The following GABRB1 variants were observed in gnomAD, a reference collection of about 807,000 sequenced individuals.
GABRB1 encodes the protein gamma-aminobutyric acid receptor subunit beta-1.
In GABRB1, 17 loss-of-function variants were observed where a neutral mutation model predicts 51.6. The observed-to-expected ratio is 0.33, with a 90% CI of 0.23 to 0.49. GABRB1 has a LOEUF of 0.49. Among genes scored for constraint, GABRB1 ranks in the 20% least tolerant of loss-of-function variants. The pLI is 0.99. For missense variants in GABRB1, 410 were observed against 600.6 expected, an observed-to-expected ratio of 0.68 and a Z score of 3.32; for synonymous variants, 247 against 218.9, an observed-to-expected ratio of 1.13 and a Z score of -1.14.
rs558286402 is a variant in GABRB1, at chr4:47,277,391, G to A, written c.462-42736G>A. On this transcript the variant is annotated intron_variant, in intron 4 of 8. Transcript: ENST00000295454. ...AGGATAGTGAGGGGCTGGGGGAGGC[G>A]GGTATGCTTAATGGGTACCAACAAA... Among the ~76,000 whole-genome samples the A allele has an allele frequency of 5.3e-5, 8 of 151,976 alleles. No individual in the cohort carries two copies. In the East Asian group the frequency reaches 5.8e-4, roughly 11 times the overall value.
intron 3 of GABRB1, among the ~76,000 whole-genome samples, chr4:47,097,618 G>T (rs1415180606): frequency 6.6e-6 from 1 of 152,104 alleles, no homozygotes; most frequent in Admixed American, 6.6e-5. Flanking sequence ...AATTTTGTCT[G>T]TTTTATTTAT....
chr4:47,181,739 C>T (rs1228544006), intron 4 of GABRB1, among the ~76,000 whole-genome samples: 1 of 152,006 alleles, frequency 6.6e-6, no homozygotes, highest in African/African-American at 2.4e-5. Context: ...ATTCTGATTA[C>T]TATTTCCTCA....
chr4:47,210,919 T>C (rs908511022), intron 4 of GABRB1, among the ~76,000 whole-genome samples: 10 of 152,002 alleles, frequency 6.6e-5, no homozygotes, highest in African/African-American at 2.4e-4. Flanking sequence ...TGGGAGGAGG[T>C]GACAAGTAGA....
chr4:47,396,360 G>A (rs1226672497), intron 5 of GABRB1, among the ~76,000 whole-genome samples: 1 of 152,122 alleles, frequency 6.6e-6, no homozygotes, highest in African/African-American at 2.4e-5. Context: ...CCCACAACAT[G>A]AAGCAATTAT....
At chr4:47,226,189 T>A (rs111637075) in intron 4 of GABRB1, among the ~76,000 whole-genome samples, 2,892 of 152,232 alleles carry the variant, frequency 0.019, 45 homozygotes, top group Non-Finnish European at 0.026. Flanking sequence ...ATAAGTGAAA[T>A]AGATGTGATA....
upstream of GABRB1, chr4:46,993,671 C>T (rs903129543): frequency 2.0e-5 from 9 of 445,096 alleles, no homozygotes; most frequent in African/African-American, 1.8e-4. Context: ...GCTATGTATA[C>T]CGCTCCACAC....
chr4:47,106,994 T>C (rs943662275), intron 3 of GABRB1, among the ~76,000 whole-genome samples: 3 of 152,046 alleles, frequency 2.0e-5, no homozygotes, highest in Non-Finnish European at 4.4e-5. Context: ...CAGAAGATCT[T>C]CCAGCTGGAG....
At chr4:47,157,054 A>G (rs1577959520) in intron 3 of GABRB1, among the ~76,000 whole-genome samples, 1 of 152,154 alleles carries the variant, frequency 6.6e-6, no homozygotes, top group Admixed American at 6.6e-5. Flanking sequence ...GCCTTTCCTC[A>G]ATGAGTCAAA....
rs142639522 is a variant in GABRB1, at chr4:47,019,549, TTCTC to T, written c.-19-12340_-19-12337del. Among the ~76,000 whole-genome samples the T allele has an allele frequency of 3.4e-3, 433 of 128,872 alleles. 3 individuals carry two copies. Among genetic ancestry groups the T allele is most frequent in the African/African-American group, 6.0e-3 (200 of 33,108 alleles). 84.5% of individuals were successfully genotyped at this position (128,872 alleles called of 152,430 possible). On this transcript the variant is annotated intron_variant, in intron 1 of 3. Transcript: ENST00000513567. ...AGATAAAGGTGTCAGCAGGTTTAGT[TTCTC>T]TCTCTCTCTCTCTCTCTCTCTCTCC...
intron 4 of GABRB1, among the ~76,000 whole-genome samples, chr4:47,218,997 G>A (rs986209014): frequency 6.6e-6 from 1 of 151,706 alleles, no homozygotes; most frequent in African/African-American, 2.4e-5. Context: ...TGTGGTCTAT[G>A]GTCAACTGAC....
chr4:47,385,703 T>A (rs1727768864), intron 5 of GABRB1, among the ~76,000 whole-genome samples: 1 of 152,024 alleles, frequency 6.6e-6, no homozygotes, highest in Non-Finnish European at 1.5e-5. Context: ...ACTCCACAGG[T>A]TTAATGCCTC....
At chr4:47,399,645 A>T (rs1053118632) in intron 5 of GABRB1, among the ~76,000 whole-genome samples, 5 of 152,214 alleles carry the variant, frequency 3.3e-5, no homozygotes, top group Non-Finnish European at 7.3e-5. Flanking sequence ...GAGTTTCCTC[A>T]TGCAGGTACC....
intron 1 of GABRB1, among the ~76,000 whole-genome samples, chr4:46,998,955 C>T (rs1416878442): frequency 2.0e-5 from 3 of 151,780 alleles, no homozygotes; most frequent in Non-Finnish European, 2.9e-5. Flanking sequence ...TGTGTGTGAT[C>T]GTGTGTAATT....
intron 5 of GABRB1, among the ~76,000 whole-genome samples, chr4:47,383,940 A>G (rs1033293795): frequency 6.6e-6 from 1 of 152,150 alleles, no homozygotes; most frequent in Admixed American, 6.5e-5. Context: ...TAAAATCATC[A>G]TGAAAACCTA....
chr4:47,028,873 A>G (rs1725189491), upstream of GABRB1, among the ~76,000 whole-genome samples: 1 of 143,566 alleles, frequency 7.0e-6, no homozygotes, highest in African/African-American at 2.5e-5. Flanking sequence ...TATATATACC[A>G]TATATATATA....
chr4:47,220,494 T>C (rs2109822727), intron 4 of GABRB1, among the ~76,000 whole-genome samples: 1 of 152,110 alleles, frequency 6.6e-6, no homozygotes, highest in African/African-American at 2.4e-5. Context: ...CCCAAATATA[T>C]ATCCCTGGCT....
intron 3 of GABRB1, among the ~76,000 whole-genome samples, chr4:47,149,275 G>A (rs558910914): frequency 1.3e-5 from 2 of 151,952 alleles, no homozygotes; most frequent in African/African-American, 4.8e-5. Flanking sequence ...GAATGAAAAT[G>A]TGTATTATTA....
At chr4:47,105,712 T>C (rs765992750) in intron 3 of GABRB1, among the ~76,000 whole-genome samples, 1 of 152,102 alleles carries the variant, frequency 6.6e-6, no homozygotes, top group Non-Finnish European at 1.5e-5. Context: ...GAGTGAGCCT[T>C]CTTGTCCTTC....
intron 3 of GABRB1, among the ~76,000 whole-genome samples, chr4:47,081,750 G>A (rs1452513129): frequency 6.6e-6 from 1 of 151,980 alleles, no homozygotes; most frequent in Non-Finnish European, 1.5e-5. Flanking sequence ...ACGTCTACTG[G>A]CTTTTTTGCA....
Sources: gnomAD v4.1 joint callset for allele counts (sites outside exome capture counted in the v4.1 genomes callset) on GRCh38, gnomAD v4.1.1 for gene constraint, MANE v1.5 for transcripts, NCBI Gene and HGNC (gene_info 2026-07-23, HGNC 2026-07-21) for gene names.